DRC9: variants seen among roughly 807,000 people sequenced by gnomAD.
DRC9 encodes dynein regulatory complex protein 9.
At chr3:197,892,546 C>T in the DRC9 span, 1 of 1,530,046 alleles carries the variant, frequency 6.5e-7, no homozygotes, top group East Asian at 2.3e-5. Flanking sequence ...AGTGAGTGCC[C>T]TAATTCCTTC....
chr3:197,934,495 A>G, the DRC9 span, among the ~76,000 whole-genome samples: 1 of 151,904 alleles, frequency 6.6e-6, no homozygotes, highest in Non-Finnish European at 1.5e-5. Flanking sequence ...AAACGTTCAC[A>G]TTTTCGAGAT....
the DRC9 span, among the ~76,000 whole-genome samples, chr3:197,905,680 G>A: frequency 6.6e-6 from 1 of 152,004 alleles, no homozygotes; most frequent in Non-Finnish European, 1.5e-5. Flanking sequence ...CTCGGGAGGC[G>A]GAGGCTGCGG....
the DRC9 span, among the ~76,000 whole-genome samples, chr3:197,904,276 A>G: frequency 5.9e-4 from 89 of 152,038 alleles, no homozygotes; most frequent in Non-Finnish European, 1.1e-3. Context: ...TGTGTATCTA[A>G]AAGACAGGCA....
the DRC9 span, chr3:197,938,600 T>C: frequency 6.2e-7 from 1 of 1,614,078 alleles, no homozygotes; most frequent in Non-Finnish European, 8.5e-7. Context: ...GTCTGCCTTG[T>C]AGGTTTTTTG....
At chr3:197,955,921 CAT>C in the DRC9 span, 365 of 702,816 alleles carry the variant, frequency 5.2e-4, no homozygotes, top group African/African-American at 4.6e-4. Context: ...GTCAGAGAGA[CAT>C]GTGATGAAAA....
the DRC9 span, chr3:197,913,883 C>T: frequency 6.2e-7 from 1 of 1,614,146 alleles, no homozygotes; most frequent in Non-Finnish European, 8.5e-7. Flanking sequence ...GGGATTACCT[C>T]AATCTCTTCC....
chr3:197,953,953 T>C, the DRC9 span: 1 of 1,605,202 alleles, frequency 6.2e-7, no homozygotes, highest in South Asian at 1.1e-5. Flanking sequence ...CTTGAATTTG[T>C]ATCCAACTAT....
the DRC9 span, among the ~76,000 whole-genome samples, chr3:197,931,040 GAAAA>G: frequency 7.8e-6 from 1 of 128,554 alleles, no homozygotes; most frequent in Non-Finnish European, 1.7e-5. Flanking sequence ...CTCAAAAAAA[GAAAA>G]AAAAAAGAAA....
chr3:197,922,671 A>G, the DRC9 span, among the ~76,000 whole-genome samples: 2 of 152,006 alleles, frequency 1.3e-5, no homozygotes, highest in African/African-American at 4.8e-5. Flanking sequence ...GAGCTGCTGC[A>G]CTCCAGCCTG....
At chr3:197,943,628 G>T in the DRC9 span, 1 of 728,324 alleles carries the variant, frequency 1.4e-6, no homozygotes, top group Non-Finnish European at 2.2e-6. Flanking sequence ...CACAGAGCGA[G>T]ACCCTGTCAA....
chr3:197,939,438 C>T, the DRC9 span, among the ~76,000 whole-genome samples: 35 of 152,194 alleles, frequency 2.3e-4, no homozygotes, highest in Admixed American at 1.7e-3. Context: ...ACCGCAGGAA[C>T]GGCGTATGCC....
At chr3:197,896,269 G>A in the DRC9 span, among the ~76,000 whole-genome samples, 124 of 151,986 alleles carry the variant, frequency 8.2e-4, no homozygotes, top group African/African-American at 2.9e-3. Context: ...CTTGAACCCA[G>A]GAGGCGGAGG....
the DRC9 span, chr3:197,889,743 C>T: frequency 3.2e-4 from 515 of 1,613,620 alleles, 1 homozygote; most frequent in African/African-American, 5.9e-3. Flanking sequence ...GTGAGTACGA[C>T]GTATGCTATG....
At chr3:197,932,559 C>T in the DRC9 span, among the ~76,000 whole-genome samples, 3 of 151,378 alleles carry the variant, frequency 2.0e-5, no homozygotes, top group South Asian at 2.1e-4. Flanking sequence ...TGCTGGAACC[C>T]GGGAGGTGGA....
chr3:197,960,052 C>G, the DRC9 span: 4 of 613,250 alleles, frequency 6.5e-6, no homozygotes, highest in African/African-American at 7.5e-5. Context: ...TATTGGCCGG[C>G]TTCGCGCCAC....
At chr3:197,936,236 AATT>A in the DRC9 span, among the ~76,000 whole-genome samples, 1 of 152,306 alleles carries the variant, frequency 6.6e-6, no homozygotes, top group South Asian at 2.1e-4. Flanking sequence ...ATGATAAAAT[AATT>A]ATTAATTCAA....
chr3:197,901,244 GTC>G, the DRC9 span, among the ~76,000 whole-genome samples: 43 of 152,238 alleles, frequency 2.8e-4, no homozygotes, highest in African/African-American at 1.0e-3. The surrounding 1 kb of genome is among the most constrained non-coding windows in gnomAD (Gnocchi z 4.4). Flanking sequence ...GTTCAAGCGA[GTC>G]TCCTGCCTCA....
the DRC9 span, among the ~76,000 whole-genome samples, chr3:197,943,190 T>C: frequency 6.6e-6 from 1 of 152,318 alleles, no homozygotes; most frequent in African/African-American, 2.4e-5. Flanking sequence ...TTGCAGCAGC[T>C]GAGAAATACA....
the DRC9 span, among the ~76,000 whole-genome samples, chr3:197,900,285 C>T: frequency 6.6e-6 from 1 of 152,210 alleles, no homozygotes; most frequent in Non-Finnish European, 1.5e-5. The surrounding 1 kb of genome is among the most constrained non-coding windows in gnomAD (Gnocchi z 4.7). Flanking sequence ...AGACACCAGC[C>T]ATGGTGGTTA....
Sources: allele counts gnomAD v4.1 joint callset (sites outside exome capture counted in the v4.1 genomes callset), GRCh38; gene constraint gnomAD v4.1.1; non-coding constraint Gnocchi (gnomAD v3.1); transcripts MANE v1.5; gene names NCBI Gene and HGNC (gene_info 2026-07-23, HGNC 2026-07-21).